The following CALCOCO2 variants were observed in gnomAD, a reference collection of about 807,000 sequenced individuals.
CALCOCO2 encodes calcium binding and coiled-coil domain 2.
A neutral mutation model predicts 62.5 loss-of-function variants in CALCOCO2; 42 were observed. That is an observed-to-expected ratio of 0.67 (90% confidence interval 0.53 to 0.87). The LOEUF is 0.87. Ranked by LOEUF, CALCOCO2 falls within the 40% of genes least tolerant of loss-of-function variation. The pLI is 0.00. For missense variants in CALCOCO2, 456 were observed against 515.0 expected, an observed-to-expected ratio of 0.89 and a Z score of 1.11; for synonymous variants, 167 against 173.0, an observed-to-expected ratio of 0.97 and a Z score of 0.27.
At chr17:48,848,728 C>T in intron 4 of CALCOCO2, 1 of 567,544 alleles carries the variant, frequency 1.8e-6, no homozygotes, top group South Asian at 1.6e-5. Context: ...TTGTCATCTA[C>T]ACATCTTATC....
intron 1 of CALCOCO2, among the ~76,000 whole-genome samples, chr17:48,832,827 G>A (rs1231335333): frequency 2.0e-5 from 3 of 152,168 alleles, no homozygotes; most frequent in African/African-American, 4.8e-5. Flanking sequence ...CCAGTTGCCC[G>A]CACCTGATGT....
Position 48,860,416 on chromosome 17 carries a change from A to G in CALCOCO2, c.1111A>G (p.Asn371Asp). The change falls in exon 11 of 13, where the codon AAT becomes GAT. Residue 371 changes from asparagine (N) to aspartate (D), a missense_variant. Coordinates refer to ENST00000258947, the MANE Select transcript of CALCOCO2 (RefSeq NM_005831.5). ...PTSDEGGARQ[N>D]PGLAYGNPYS... ...TTCAGATGAAGGAGGCGCAAGACAAAATCCAGGACTTGCCTATGGAAACCC... is the reference window on the plus strand; with the variant it reads ...TTCAGATGAAGGAGGCGCAAGACAAGATCCAGGACTTGCCTATGGAAACCC... The G allele has an allele frequency of 6.2e-7, 1 of 1,614,072 alleles. No individual in the cohort carries two copies. The highest frequency in any genetic ancestry group is 8.5e-7 in the Non-Finnish European group (1 of 1,179,964).
At chr17:48,855,484 A>C (rs1329139381) in intron 9 of CALCOCO2, among the ~76,000 whole-genome samples, 1 of 152,216 alleles carries the variant, frequency 6.6e-6, no homozygotes, top group Non-Finnish European at 1.5e-5. Context: ...TGAGGTATGC[A>C]CATGTGTATG....
intron 1 of CALCOCO2, among the ~76,000 whole-genome samples, chr17:48,835,719 GT>G: frequency 8.9e-6 from 1 of 112,670 alleles, no homozygotes; most frequent in South Asian, 3.4e-4. Flanking sequence ...TAGATTGGTT[GT>G]TTTTCTTTTC....
intron 9 of CALCOCO2, among the ~76,000 whole-genome samples, chr17:48,854,382 T>TTATATATATATATATATA (rs201839175): frequency 0.036 from 213 of 5,978 alleles, 35 homozygotes; most frequent in Non-Finnish European, 0.039. Flanking sequence ...TTTCTTTTAT[T>TTATATATATATATATATA]TATATATATA....
intron 1 of CALCOCO2, among the ~76,000 whole-genome samples, chr17:48,835,664 A>G (rs1039464615): frequency 2.6e-5 from 4 of 152,164 alleles, no homozygotes; most frequent in East Asian, 1.9e-4. Context: ...CGTGTTGTCT[A>G]TATATGTGCT....
chr17:48,831,873 T>C (rs2039818618), intron 1 of CALCOCO2: 1 of 152,224 alleles, frequency 6.6e-6, no homozygotes, highest in Non-Finnish European at 1.5e-5. Flanking sequence ...AAGGACTTTA[T>C]GTGGTAGGTC....
At chr17:48,848,743 T>A (rs545017882) in intron 4 of CALCOCO2, 12 of 557,266 alleles carry the variant, frequency 2.2e-5, no homozygotes, top group Non-Finnish European at 3.4e-5. Flanking sequence ...CTTATCACAA[T>A]GGTAAATGTA....
At position 48,863,133 on chromosome 17, in the gene CALCOCO2, C is replaced by G. The variant is rs2040351703; in HGVS notation, c.*128C>G. The G allele has an allele frequency of 5.5e-6, 4 of 722,068 alleles. No homozygotes were observed. The highest frequency in any genetic ancestry group is 3.5e-5 in the African/African-American group (2 of 56,728). 44.7% of individuals were successfully genotyped at this position (722,068 alleles called of 1,614,324 possible). A position where few individuals can be genotyped will look rare whatever the true frequency, so the allele number is the denominator to read the frequency against. On this transcript the variant is annotated 3_prime_UTR_variant, in exon 13 of 13. Coordinates refer to ENST00000258947, the MANE Select transcript of CALCOCO2 (RefSeq NM_005831.5). ...AGGGATTTACTCAGCCCTGCTGCCGCTAACAGTGGAGTTATGTCACTGATC... is the reference window on the plus strand; with the variant it reads ...AGGGATTTACTCAGCCCTGCTGCCGGTAACAGTGGAGTTATGTCACTGATC...
chr17:48,850,824 A>G (rs1395187286), intron 5 of CALCOCO2, among the ~76,000 whole-genome samples: 1 of 151,978 alleles, frequency 6.6e-6, no homozygotes, highest in Non-Finnish European at 1.5e-5. Flanking sequence ...AGGCTGAGGC[A>G]CAACAATTGC....
Position 48,852,947 on chromosome 17 carries a change from G to C in CALCOCO2, c.847G>C (p.Glu283Gln), listed in dbSNP as rs749923376. The change falls in exon 9 of 13, where the codon GAG (glutamate) becomes CAG (glutamine). Residue 283 changes from glutamate to glutamine, a missense_variant. By Grantham distance (29) the Glu-to-Gln change is conservative (BLOSUM62 2). Coordinates refer to ENST00000258947, the MANE Select transcript of CALCOCO2 (RefSeq NM_005831.5). ...TEQRKDQKKL[E>Q]QTVEQMKQNE... ...GCAGAGGAAGGACCAGAAGAAGCTCGAGCAGACAGTGGAGCAAATGAAGCA... is the reference window on the plus strand; with the variant it reads ...GCAGAGGAAGGACCAGAAGAAGCTCCAGCAGACAGTGGAGCAAATGAAGCA... 6.2e-7 allele frequency: 1 copy of C among 1,613,520 alleles called. No individual in the cohort carries two copies. The highest frequency in any genetic ancestry group is 8.5e-7 in the Non-Finnish European group (1 of 1,179,494).
At position 48,839,698 on chromosome 17, in the gene CALCOCO2, C is replaced by T. The variant is rs1449228967; in HGVS notation, c.-10-2000C>T. On this transcript the variant is annotated intron_variant, in intron 1 of 12. Transcript: ENST00000258947. The stretch of plus-strand genomic sequence containing the variant: ...TTTTTTTTTTTTTTTTTTTTTTAAA[C>T]GGAGTTTCACTCTTCTTGCCCAGGC... Among the ~76,000 whole-genome samples the T allele has an allele frequency of 4.2e-4, 15 of 35,730 alleles. No homozygotes were observed. In the South Asian group the frequency reaches 6.7e-3, roughly 16 times the overall value. The allele number at this position is 35,730 out of a possible 152,430, so 23.4% of individuals were successfully genotyped here.
chr17:48,859,849 CTT>C (rs1242627059), intron 10 of CALCOCO2, among the ~76,000 whole-genome samples: 1 of 152,162 alleles, frequency 6.6e-6, no homozygotes, highest in Non-Finnish European at 1.5e-5. Context: ...AATCTCGACA[CTT>C]TGGGAGGCCA....
At chr17:48,859,230 A>G (rs555309353) in intron 10 of CALCOCO2, among the ~76,000 whole-genome samples, 21 of 152,112 alleles carry the variant, frequency 1.4e-4, no homozygotes, top group African/African-American at 5.1e-4. Context: ...CTGTGTTGAT[A>G]TATCCATTTG....
At chr17:48,841,010 T>C (rs2039968348) in intron 1 of CALCOCO2, among the ~76,000 whole-genome samples, 2 of 152,248 alleles carry the variant, frequency 1.3e-5, no homozygotes, top group Non-Finnish European at 2.9e-5. Flanking sequence ...ATTTCACTTA[T>C]GCCTCACAAA....
intron 7 of CALCOCO2, 49 bp downstream of exon 7, chr17:48,851,677 C>T (rs146520211): frequency 1.9e-6 from 2 of 1,071,434 alleles, no homozygotes; most frequent in South Asian, 2.5e-5. Context: ...AGCCTTACCA[C>T]TGCTCCAATT....
chr17:48,862,253 G>C (rs1415232852), intron 11 of CALCOCO2, 23 bp from the exon 12 acceptor site: 1 of 1,519,042 alleles, frequency 6.6e-7, no homozygotes, highest in South Asian at 1.1e-5. Flanking sequence ...CTCATTGAAT[G>C]AGATCTTTTT....
At chr17:48,845,105 C>T (rs544273058) in intron 2 of CALCOCO2, among the ~76,000 whole-genome samples, 89 of 151,894 alleles carry the variant, frequency 5.9e-4, no homozygotes, top group African/African-American at 2.1e-3. Flanking sequence ...CACTGCACTC[C>T]AGCCTGGGCA....
At chr17:48,845,740 A>AAAAAAAG (rs2040044366) in intron 2 of CALCOCO2, among the ~76,000 whole-genome samples, 2 of 151,184 alleles carry the variant, frequency 1.3e-5, no homozygotes, top group African/African-American at 4.9e-5. Context: ...AAAAAAAAAA[A>AAAAAAAG]AAAAGAAAAG....
Sources: gnomAD v4.1 joint callset for allele counts (sites outside exome capture counted in the v4.1 genomes callset) on GRCh38, gnomAD v4.1.1 for gene constraint, MANE v1.5 for transcripts, NCBI Gene and HGNC (gene_info 2026-07-23, HGNC 2026-07-21) for gene names.